The following TFDP1 variants were observed in gnomAD, a reference collection of about 807,000 sequenced individuals.
The protein encoded by TFDP1 is transcription factor Dp-1.
Under a neutral mutation model 48.0 loss-of-function variants are expected in TFDP1, and 6 were observed. The observed-to-expected ratio is 0.13, with a 90% confidence interval of 0.07 to 0.25. The LOEUF (loss-of-function observed/expected upper bound fraction) is 0.25. TFDP1 is among the 10% of genes least tolerant of loss of function. TFDP1 has a pLI of 1.00. For missense variants in TFDP1, 335 were observed against 543.0 expected (o/e 0.62, Z 3.81); for synonymous variants, 201 against 211.6 (o/e 0.95, Z 0.44).
chr13:113,630,080 C>T lies in TFDP1; in HGVS notation c.187-1543C>T, dbSNP rs528436532. On this transcript the variant is annotated intron_variant, in intron 4 of 11. Coordinates refer to ENST00000375370, the MANE Select transcript of TFDP1 (RefSeq NM_007111.5). Reference sequence around the variant, plus strand: ...CGTAGGAAGCCGTGCGGGGCCAGCGCGCTCTCAGGCAGCCTGAGTGGCAGG... The same window carrying T: ...CGTAGGAAGCCGTGCGGGGCCAGCGTGCTCTCAGGCAGCCTGAGTGGCAGG... Among the ~76,000 whole-genome samples, 8 of 152,144 alleles carry T rather than the reference C, an allele frequency of 5.3e-5. No homozygotes were observed. In the South Asian group the frequency reaches 8.3e-4, roughly 16 times the overall value.
At chr13:113,611,264 T>C (rs2048702296) in intron 3 of TFDP1, among the ~76,000 whole-genome samples, 1 of 152,268 alleles carries the variant, frequency 6.6e-6, no homozygotes, top group Non-Finnish European at 1.5e-5. Context: ...AGTAGCTTTG[T>C]GGATTTTGAA....
intron 3 of TFDP1, among the ~76,000 whole-genome samples, chr13:113,619,955 G>A (rs2048958150): frequency 6.6e-6 from 1 of 152,186 alleles, no homozygotes; most frequent in African/African-American, 2.4e-5. Flanking sequence ...GGGAAGCTCA[G>A]GGGCCCTGGA....
chr13:113,590,159 G>T (rs1292390107), intron 2 of TFDP1, among the ~76,000 whole-genome samples: 1 of 152,214 alleles, frequency 6.6e-6, no homozygotes, highest in Non-Finnish European at 1.5e-5. Flanking sequence ...TCAGCTCCCT[G>T]TGCAGAGAAC....
intron 3 of TFDP1, among the ~76,000 whole-genome samples, chr13:113,618,593 G>A (rs934787506): frequency 6.6e-6 from 1 of 152,150 alleles, no homozygotes; most frequent in African/African-American, 2.4e-5. Context: ...GGTGGGGAGC[G>A]GCAGCCTGGC....
intron 2 of TFDP1, among the ~76,000 whole-genome samples, chr13:113,591,236 C>T (rs913230292): frequency 1.5e-4 from 22 of 143,738 alleles, no homozygotes; most frequent in African/African-American, 5.2e-4. Context: ...CAGCTACTCT[C>T]GAGGCTGAGA....
chr13:113,600,584 C>G lies in TFDP1; in HGVS notation c.13-10412C>G, dbSNP rs375204851. Among the ~76,000 whole-genome samples the G allele has an allele frequency of 3.1e-4, 41 of 130,804 alleles. No homozygotes were observed. The East Asian group carries it at 0.01, about 33-fold the overall frequency. 85.8% of individuals were successfully genotyped at this position (130,804 alleles called of 152,430 possible). A position where few individuals can be genotyped will look rare whatever the true frequency, so the allele number is the denominator to read the frequency against. ...AGAACTCAGGACTGCAAGAGAGAAC[C>G]CAGGACCCAGGACCGTGAGAGAGAA... is the stretch of plus-strand genomic sequence containing the variant. On this transcript the variant is annotated intron_variant, in intron 2 of 11. Transcript: ENST00000375370.
chr13:113,625,901 A>G (rs35457352), intron 4 of TFDP1, among the ~76,000 whole-genome samples: 2,187 of 52,100 alleles, frequency 0.042, 71 homozygotes, highest in African/African-American at 0.11. Context: ...TGTCTCTCAC[A>G]TGTCCTCAGG....
chr13:113,636,197 T>C, intron 9 of TFDP1, 69 bp downstream of exon 9: 2 of 1,559,948 alleles, frequency 1.3e-6, no homozygotes, highest in South Asian at 2.3e-5. Context: ...CCTGTTGGTA[T>C]TGTCACTAGG....
intron 2 of TFDP1, among the ~76,000 whole-genome samples, chr13:113,600,216 A>G (rs1410940776): frequency 6.6e-6 from 1 of 151,422 alleles, no homozygotes; most frequent in Non-Finnish European, 1.5e-5. Context: ...GTGAGAGAGA[A>G]CCCTCGTGCT....
chr13:113,634,906 TGTGTGC>T (rs1257983097), intron 8 of TFDP1, among the ~76,000 whole-genome samples: 1 of 151,972 alleles, frequency 6.6e-6, no homozygotes, highest in Non-Finnish European at 1.5e-5. Context: ...TGCATGTGCC[TGTGTGC>T]GTGTGTGTGT....
chr13:113,619,319 A>G (rs747020476), intron 3 of TFDP1, among the ~76,000 whole-genome samples: 26 of 152,046 alleles, frequency 1.7e-4, no homozygotes, highest in Non-Finnish European at 3.2e-4. Flanking sequence ...TAAAAATACA[A>G]AAGTTAGCCA....
chr13:113,632,183 C>T (rs982198372), intron 5 of TFDP1, among the ~76,000 whole-genome samples: 3 of 152,244 alleles, frequency 2.0e-5, no homozygotes, highest in African/African-American at 7.2e-5. Context: ...GCTGCTCCTT[C>T]CACTAAAGCA....
chr13:113,599,227 C>T (rs962369866), intron 2 of TFDP1, among the ~76,000 whole-genome samples: 1 of 151,618 alleles, frequency 6.6e-6, no homozygotes, highest in Non-Finnish European at 1.5e-5. Context: ...ATTTGTGGAA[C>T]GTTTCAGACA....
At chr13:113,611,152 C>G in intron 3 of TFDP1, 90 bp downstream of exon 3, 1 of 1,279,348 alleles carries the variant, frequency 7.8e-7, no homozygotes, top group Non-Finnish European at 1.1e-6. Flanking sequence ...AAGCCTCTTG[C>G]TAATGATGGC....
chr13:113,640,190 G>T lies in TFDP1; in HGVS notation c.1156G>T (p.Val386Leu). The change falls in exon 12 of 12, where the codon GTG becomes TTG. Residue 386 changes from valine (V) to leucine (L), a missense_variant. Physicochemically the swap from Val to Leu is conservative, Grantham distance 32. Coordinates refer to ENST00000375370, the MANE Select transcript of TFDP1 (RefSeq NM_007111.5). ...TGGGTCTCAGTACAGCGGCTCCAGG[G>T]TGGAGACTCCGGTGTCCTACGTCGG... is the stretch of plus-strand genomic sequence containing the variant. ...SNGSQYSGSR[V>L]ETPVSYVGED... 1 of 1,613,562 alleles carries T rather than the reference G, an allele frequency of 6.2e-7. No individual in the cohort carries two copies. The highest frequency in any genetic ancestry group is 8.5e-7 in the Non-Finnish European group (1 of 1,179,818).
In TFDP1 at chr13:113,634,098, G is replaced by A. The variant is rs4150789; in HGVS notation, c.618+65G>A. 4.9e-3 allele frequency: 7,838 copies of A among 1,609,842 alleles called. 268 individuals carry two copies. In the East Asian group the frequency reaches 0.091, roughly 19 times the overall value. On this transcript the variant is annotated intron_variant, in intron 7 of 11. Coordinates refer to ENST00000375370, the MANE Select transcript of TFDP1 (RefSeq NM_007111.5). ...AGTCCGTGTAGATGTTTTAGTCGTCGGTCACTCAGAAGGGTCTGGGCTCCG... is the reference window on the plus strand; with the variant it reads ...AGTCCGTGTAGATGTTTTAGTCGTCAGTCACTCAGAAGGGTCTGGGCTCCG...
intron 2 of TFDP1, among the ~76,000 whole-genome samples, chr13:113,604,648 G>T (rs1192709774): frequency 1.7e-3 from 2 of 1,166 alleles, no homozygotes; most frequent in African/African-American, 7.9e-3. Context: ...GACAGACCTC[G>T]GCTGTCCTGT....
At chr13:113,621,709 A>T (rs190106535) in intron 3 of TFDP1, among the ~76,000 whole-genome samples, 1 of 152,242 alleles carries the variant, frequency 6.6e-6, no homozygotes, top group African/African-American at 2.4e-5. Context: ...GTCTGGGAAG[A>T]TGTCCGTTGC....
intron 2 of TFDP1, among the ~76,000 whole-genome samples, chr13:113,596,489 G>A (rs2048292125): frequency 6.6e-6 from 1 of 152,136 alleles, no homozygotes; most frequent in Non-Finnish European, 1.5e-5. Flanking sequence ...GGTTCCTCTT[G>A]CTTCAGGAGA....
Sources: gnomAD v4.1 joint callset for allele counts (sites outside exome capture counted in the v4.1 genomes callset) on GRCh38, gnomAD v4.1.1 for gene constraint, MANE v1.5 for transcripts, NCBI Gene and HGNC (gene_info 2026-07-23, HGNC 2026-07-21) for gene names.